The following SPATA21 variants were observed in gnomAD, a reference collection of about 807,000 sequenced individuals.
SPATA21 encodes spermatogenesis associated 21.
Under a neutral mutation model 54.8 loss-of-function variants are expected in SPATA21, and 47 were observed. The ratio of observed to expected loss-of-function variants is 0.86; its 90% confidence interval spans 0.68 to 1.09. The LOEUF (loss-of-function observed/expected upper bound fraction) is 1.09, where lower values mean the gene tolerates loss of function less well. Among genes scored for constraint, SPATA21 ranks in the 50% least tolerant of loss-of-function variants. The pLI is 0.00. For synonymous variants in SPATA21, 245 were observed against 235.3 expected, an observed-to-expected ratio of 1.04 and a Z score of -0.38; for missense variants, 599 against 596.4, an observed-to-expected ratio of 1.00 and a Z score of -0.05.
chr1:16,422,583 G>T (rs2086202868), intron 3 of SPATA21, among the ~76,000 whole-genome samples: 1 of 150,122 alleles, frequency 6.7e-6, no homozygotes. Context: ...ACAGCTCATT[G>T]TAGCCTTGAC....
At chr1:16,414,893 CAAAA>C (rs528947922) in intron 5 of SPATA21, among the ~76,000 whole-genome samples, 5 of 74,354 alleles carry the variant, frequency 6.7e-5, no homozygotes, top group African/African-American at 2.3e-4. Flanking sequence ...AACCTCATCT[CAAAA>C]AAAAAAAAAA....
Position 16,409,474 on chromosome 1 carries a change from A to T in SPATA21, c.587+127T>A. The stretch of plus-strand genomic sequence containing the variant: ...GGGAGATGCGGAGAGGAGACACATG[A>T]GGAGAAATGGAGAGAGGGGGACACA... On this transcript the variant is annotated intron_variant, in intron 6 of 12. Coordinates refer to ENST00000335496, the MANE Select transcript of SPATA21 (RefSeq NM_198546.1). This position sits in a 1 kb window ranked among gnomAD's most constrained non-coding sequence, Gnocchi z 4.1. 9.8e-7 allele frequency: 1 copy of T among 1,023,008 alleles called. No individual in the cohort carries two copies. Among genetic ancestry groups the T allele is most frequent in the Non-Finnish European group, 1.4e-6 (1 of 707,808 alleles). 63.4% of individuals were successfully genotyped at this position (1,023,008 alleles called of 1,614,324 possible). A position where few individuals can be genotyped will look rare whatever the true frequency, so the allele number is the denominator to read the frequency against.
In SPATA21 at chr1:16,403,740, C is replaced by T. The variant is rs1259299344; in HGVS notation, c.988G>A (p.Glu330Lys). The T allele has an allele frequency of 6.2e-7, 1 of 1,613,956 alleles. No individual in the cohort carries two copies. The highest frequency in any genetic ancestry group is 1.1e-5 in the South Asian group (1 of 91,082). ...EMLALPEAVL[E>K]EITNYYQKKL... ...GGCCCCACTCACTTTGTGATTTCCT[C>T]TAAGACTGCCTCTGGTAAGGCCAGC... Residue 330 changes from glutamate (E) to lysine (K), a missense_variant, in exon 10 of 13, where the codon GAG (glutamate) becomes AAG (lysine). Coordinates refer to ENST00000335496, the MANE Select transcript of SPATA21 (RefSeq NM_198546.1).
rs1877624 is a variant in SPATA21 at position 16,433,358 on chromosome 1, C to T, written c.-186-434G>A. 2.7e-3 allele frequency among the ~76,000 whole-genome samples: 410 copies of T among 152,352 alleles called. 1 individual carries two copies. The highest frequency in any genetic ancestry group is 6.6e-3 in the South Asian group (32 of 4,830). On this transcript the variant is annotated intron_variant, in intron 1 of 12. Coordinates refer to ENST00000335496, the MANE Select transcript of SPATA21 (RefSeq NM_198546.1). ...CACCCCTGGTGCAGCTCTGGCCTCA[C>T]GAAGGACCAGGCTGTCACCTGGAGC...
chr1:16,415,728 T>C (rs2085985999), intron 5 of SPATA21, among the ~76,000 whole-genome samples: 1 of 152,000 alleles, frequency 6.6e-6, no homozygotes, highest in Non-Finnish European at 1.5e-5. Flanking sequence ...CCTGGCTAAT[T>C]TTTGTATTTT....
rs1409243023 is a variant in SPATA21, at chr1:16,400,726, TCTG to T, written c.1165_1167del (p.Gln389del). 1 of 1,613,538 alleles carries T rather than the reference TCTG, an allele frequency of 6.2e-7. No homozygotes were observed. The highest frequency in any genetic ancestry group is 2.2e-5 in the East Asian group (1 of 44,872). On this transcript the variant is annotated inframe_deletion, in exon 11 of 13. Transcript: ENST00000335496. ...CCCTGCCCAGGGCCCTCACCATAGT[TCTG>T]CTGCTTCAGCCGGCTCAGGATACTG... is the stretch of plus-strand genomic sequence containing the variant.
At chr1:16,411,836 A>G (rs1350679068) in intron 5 of SPATA21, among the ~76,000 whole-genome samples, 1 of 146,716 alleles carries the variant, frequency 6.8e-6, no homozygotes, top group African/African-American at 2.5e-5. Context: ...TCCTGATACC[A>G]CCCCACCCCT....
chr1:16,410,708 GC>G (rs1390545499), intron 5 of SPATA21: 1 of 249,016 alleles, frequency 4.0e-6, no homozygotes, highest in East Asian at 1.6e-4. Flanking sequence ...ACTGCGCCCG[GC>G]CTAATCTTTG....
intron 3 of SPATA21, chr1:16,422,287 A>C (rs1318262472): frequency 8.2e-7 from 1 of 1,220,126 alleles, no homozygotes; most frequent in Admixed American, 3.4e-5. Flanking sequence ...CAGTTATTAC[A>C]CACTTACTAG....
chr1:16,421,411 T>C lies in SPATA21; in HGVS notation c.144+98A>G. 3 of 1,241,918 alleles carry C rather than the reference T, an allele frequency of 2.4e-6. No individual in the cohort carries two copies. The highest frequency in any genetic ancestry group is 3.4e-6 in the Non-Finnish European group (3 of 894,442). The allele number at this position is 1,241,918 out of a possible 1,614,324, so 76.9% of individuals were successfully genotyped here. ...CCTTGGTTTGACTCCAAATAGGGGT[T>C]TGACGTGCCACATCCGCTTCTGCCC... On this transcript the variant is annotated intron_variant, in intron 5 of 12. Coordinates refer to ENST00000335496, the MANE Select transcript of SPATA21 (RefSeq NM_198546.1). This position sits in a 1 kb window ranked among gnomAD's most constrained non-coding sequence, Gnocchi z 5.2.
At chr1:16,402,526 G>A (rs1231133795) in intron 10 of SPATA21, among the ~76,000 whole-genome samples, 1 of 151,564 alleles carries the variant, frequency 6.6e-6, no homozygotes. Flanking sequence ...CTCCCAAAGT[G>A]CTGGGATTAC....
chr1:16,422,982 TGGAG>T, intron 3 of SPATA21, among the ~76,000 whole-genome samples: 1 of 152,050 alleles, frequency 6.6e-6, no homozygotes, highest in South Asian at 2.1e-4. Flanking sequence ...CTGGCCAACA[TGGAG>T]AAATTCTGTC....
At chr1:16,426,933 T>C (rs569274082) in intron 3 of SPATA21, among the ~76,000 whole-genome samples, 2 of 152,232 alleles carry the variant, frequency 1.3e-5, no homozygotes, top group South Asian at 4.1e-4. Context: ...ATGCTAAAAA[T>C]CCTTCAGAAA....
chr1:16,407,454 A>G (rs1570116784), intron 7 of SPATA21, among the ~76,000 whole-genome samples: 1 of 151,872 alleles, frequency 6.6e-6, no homozygotes, highest in East Asian at 1.9e-4. Context: ...CATTATTATT[A>G]TTACTATTAC....
intron 5 of SPATA21, among the ~76,000 whole-genome samples, chr1:16,419,192 CAAGAGAGCCGT>C (rs2086102477): frequency 6.6e-6 from 1 of 152,064 alleles, no homozygotes; most frequent in Admixed American, 6.6e-5. Flanking sequence ...GTGAATGACT[CAAGAGAGCCGT>C]AAGACTGTCT....
intron 7 of SPATA21, among the ~76,000 whole-genome samples, chr1:16,408,296 A>G (rs1318100551): frequency 6.6e-6 from 1 of 152,078 alleles, no homozygotes; most frequent in Non-Finnish European, 1.5e-5. Flanking sequence ...AGAGCAGGGT[A>G]GGTGTTCAGA....
chr1:16,426,580 T>TATA (rs1553166390), intron 3 of SPATA21, among the ~76,000 whole-genome samples: 148 of 77,970 alleles, frequency 1.9e-3, no homozygotes, highest in African/African-American at 4.5e-3. Context: ...TATATATATA[T>TATA]TTTTTTTTTT....
Position 16,399,448 on chromosome 1 carries a change from G to T in SPATA21, c.1248C>A (p.Val416=). 6.2e-7 allele frequency: 1 copy of T among 1,614,164 alleles called. No homozygotes were observed. The highest frequency in any genetic ancestry group is 1.1e-5 in the South Asian group (1 of 91,082). ...CATAGTGGTTGCTCGGCTGCCTACG[G>T]ACCATCTTCTTGTCCAGCTGTGGGC... is the stretch of plus-strand genomic sequence containing the variant. ...LLCPQLDKKM[V]RRQPSNHYAL... The change falls in exon 12 of 13, where the codon GTC becomes GTA. Residue 416 remains valine, a synonymous_variant. Transcript: ENST00000335496.
intron 3 of SPATA21, chr1:16,425,791 T>A: frequency 1.4e-6 from 2 of 1,456,628 alleles, no homozygotes; most frequent in South Asian, 1.2e-5. Flanking sequence ...TTTTATATAT[T>A]TTTACAGGGC....
Sources: gnomAD v4.1 joint callset for allele counts (sites outside exome capture counted in the v4.1 genomes callset) on GRCh38, gnomAD v4.1.1 for gene constraint, Gnocchi (gnomAD v3.1) non-coding constraint, MANE v1.5 for transcripts, NCBI Gene and HGNC (gene_info 2026-07-23, HGNC 2026-07-21) for gene names.